Variants in FAM186B observed in about 807,000 individuals in gnomAD.
FAM186B encodes the protein protein FAM186B.
Under a neutral mutation model 83.4 loss-of-function variants are expected in FAM186B, and 68 were observed. The ratio of observed to expected loss-of-function variants is 0.81; its 90% CI spans 0.67 to 1.00. FAM186B has a LOEUF of 1.00. Ranked by LOEUF, FAM186B falls within the 50% of genes least tolerant of loss-of-function variation. The pLI, the probability that FAM186B is intolerant of heterozygous loss-of-function variation, is 0.00. For missense variants in FAM186B, 983 were observed against 1,099.2 expected (o/e 0.89, Z 1.49); for synonymous variants, 389 against 422.0 (o/e 0.92, Z 0.96).
At chr12:49,595,436 G>T in intron 5 of FAM186B, 1 of 505,128 alleles carries the variant, frequency 2.0e-6, no homozygotes. Context: ...GCCACTATCT[G>T]TGCAGGTCCT....
downstream of FAM186B, chr12:49,583,586 C>T (rs180749124): frequency 2.9e-3 from 445 of 153,948 alleles, 4 homozygotes; most frequent in Non-Finnish European, 5.1e-3. Context: ...TCTTAAGCTG[C>T]GACTCAGAAA....
rs774806166 is a variant in FAM186B at position 49,599,542 on chromosome 12, T to C, written c.2098A>G (p.Met700Val). 2 of 1,604,770 alleles carry C rather than the reference T, an allele frequency of 1.2e-6. No individual in the cohort carries two copies. Among genetic ancestry groups the C allele is most frequent in the South Asian group, 2.2e-5 (2 of 89,438 alleles). The change falls in exon 4 of 7, where the codon ATG becomes GTG. Residue 700 changes from methionine (M) to valine (V), a missense_variant. By Grantham distance (21) the Met-to-Val change is conservative. Coordinates refer to ENST00000257894, the MANE Select transcript of FAM186B (RefSeq NM_032130.3). ...TGCAGCCTGAGCGCGCCCAGCTCCA[T>C]GGTGGTGGTGGTGAGCTCCAGTGCT... ...SKALELTTTTMELGALRLQYL... is the reference protein window; with the variant it reads ...SKALELTTTTVELGALRLQYL...
intron 5 of FAM186B, among the ~76,000 whole-genome samples, chr12:49,596,438 A>G (rs1452538008): frequency 6.6e-6 from 1 of 151,646 alleles, no homozygotes; most frequent in Non-Finnish European, 1.5e-5. Flanking sequence ...CTGTCTGTGG[A>G]GCAGCCATTC....
the FAM186B span, among the ~76,000 whole-genome samples, chr12:49,610,662 C>A: frequency 1.3e-5 from 2 of 151,866 alleles, no homozygotes; most frequent in Non-Finnish European, 1.5e-5. Flanking sequence ...CGGTCGTGGG[C>A]GCCTGTAGTC....
intron 2 of FAM186B, 85 bp from the exon 3 acceptor site, chr12:49,603,452 A>G: frequency 7.4e-7 from 1 of 1,354,888 alleles, no homozygotes; most frequent in Non-Finnish European, 1.0e-6. Flanking sequence ...GGGTTCCAGC[A>G]GCTGTGAAGT....
chr12:49,619,427 G>A, the FAM186B span: 2 of 552,918 alleles, frequency 3.6e-6, no homozygotes, highest in East Asian at 6.7e-5. Context: ...CATCCCCACT[G>A]GAATGGCAGG....
downstream of FAM186B, among the ~76,000 whole-genome samples, chr12:49,587,074 C>T (rs1183249921): frequency 1.3e-5 from 2 of 152,194 alleles, no homozygotes; most frequent in Non-Finnish European, 2.9e-5. Flanking sequence ...TCTACAAGCC[C>T]AGAGAGGCAA....
chr12:49,609,229 T>C (rs761648119), upstream of FAM186B, among the ~76,000 whole-genome samples: 2 of 152,160 alleles, frequency 1.3e-5, no homozygotes, highest in Non-Finnish European at 2.9e-5. Flanking sequence ...GAGTGAGTTA[T>C]TGCTTGGTAT....
rs561786015 is a variant in FAM186B at position 49,593,459 on chromosome 12, C to A, written c.2365-4836G>T. On this transcript the variant is annotated intron_variant, in intron 5 of 6. Coordinates refer to ENST00000257894, the MANE Select transcript of FAM186B (RefSeq NM_032130.3). ...AGACCAGCCTGGCCAACATGGCGAA[C>A]CCCGTCTCTACTAAAAATACAAAAA... is the stretch of plus-strand genomic sequence containing the variant. Among the ~76,000 whole-genome samples the A allele has an allele frequency of 1.8e-3, 267 of 149,354 alleles. 3 individuals are homozygous for A. The highest frequency in any genetic ancestry group is 2.7e-3 in the Non-Finnish European group (179 of 67,270).
rs1939880052 is a variant in FAM186B at position 49,601,016 on chromosome 12, C to T, written c.624G>A (p.Lys208=). The part of the protein sequence containing the change: ...MLQDQHTMNT[K]ASEVTSMLQE... Reference sequence around the variant, plus strand: ...GCAGCATGGACGTCACCTCCGAGGCCTTCGTGTTCATGGTATGCTGGTCCT... The same window carrying T: ...GCAGCATGGACGTCACCTCCGAGGCTTTCGTGTTCATGGTATGCTGGTCCT... The change falls in exon 4 of 7, where the codon AAG becomes AAA. Residue 208 remains lysine (K), a synonymous_variant. Transcript: ENST00000257894. 1 of 1,614,040 alleles carries T rather than the reference C, an allele frequency of 6.2e-7. No individual in the cohort carries two copies. The highest frequency in any genetic ancestry group is 1.3e-5 in the African/African-American group (1 of 74,918).
chr12:49,603,070 A>C (rs982432429), intron 3 of FAM186B, 115 bp downstream of exon 3: 2 of 1,174,902 alleles, frequency 1.7e-6, no homozygotes, highest in Non-Finnish European at 2.5e-6. Context: ...ATCTCAAATC[A>C]AACTTCTGTG....
At chr12:49,610,442 C>G (rs1172603427), upstream of FAM186B, among the ~76,000 whole-genome samples, 1 of 152,088 alleles carries the variant, frequency 6.6e-6, no homozygotes, top group Non-Finnish European at 1.5e-5. Flanking sequence ...TAAAGCAATC[C>G]ACAAAATGAA....
At chr12:49,608,093 T>G (rs1282286846), upstream of FAM186B, among the ~76,000 whole-genome samples, 1 of 151,080 alleles carries the variant, frequency 6.6e-6, no homozygotes, top group Non-Finnish European at 1.5e-5. Context: ...AATATAGACA[T>G]AAAAGAAAAT....
At chr12:49,585,021 G>A (rs150466399), downstream of FAM186B, among the ~76,000 whole-genome samples, 96 of 151,924 alleles carry the variant, frequency 6.3e-4, 1 homozygote, top group East Asian at 0.016. Context: ...TTTTTGTTTC[G>A]TTTTGTTTTG....
the FAM186B span, among the ~76,000 whole-genome samples, chr12:49,620,709 G>C: frequency 6.6e-6 from 1 of 152,152 alleles, no homozygotes; most frequent in African/African-American, 2.4e-5. Flanking sequence ...GTAGATATCT[G>C]TATTTGCTGC....
In FAM186B at chr12:49,600,977, G is replaced by T. The variant is rs147828738; in HGVS notation, c.663C>A (p.Asp221Glu). Residue 221 changes from aspartate to glutamate, a missense_variant, in exon 4 of 7, where the codon GAC becomes GAA. Transcript: ENST00000257894. This position sits in a 1 kb window ranked among gnomAD's most constrained non-coding sequence, Gnocchi z 4.3. ...EVTSMLQELLDSTMFSKGEVR... is the reference protein window; with the variant it reads ...EVTSMLQELLESTMFSKGEVR... ...CCTCCCCCTTGCTGAACATGGTAGAGTCCAGGAGCTCCTGCAGCATGGACG... is the reference window on the plus strand; with the variant it reads ...CCTCCCCCTTGCTGAACATGGTAGATTCCAGGAGCTCCTGCAGCATGGACG... 1.4e-5 allele frequency: 22 copies of T among 1,614,148 alleles called. No individual in the cohort carries two copies. In the African/African-American group the frequency reaches 2.8e-4, roughly 21 times the overall value.
At chr12:49,595,355 C>T in intron 5 of FAM186B, 1 of 569,536 alleles carries the variant, frequency 1.8e-6, no homozygotes, top group Non-Finnish European at 3.4e-6. Flanking sequence ...AATCTGGGTG[C>T]ACAGAATTTA....
upstream of FAM186B, among the ~76,000 whole-genome samples, chr12:49,607,557 C>G (rs1262640403): frequency 6.6e-6 from 1 of 151,920 alleles, no homozygotes; most frequent in Non-Finnish European, 1.5e-5. Context: ...TCAAAGAAAA[C>G]TCCAGCCCCA....
rs1271735644 is a variant in FAM186B at position 49,604,466 on chromosome 12, C to T, written c.169G>A (p.Gly57Arg). The T allele has an allele frequency of 1.2e-6, 2 of 1,614,202 alleles. No individual in the cohort carries two copies. Among genetic ancestry groups the T allele is most frequent in the Non-Finnish European group, 1.7e-6 (2 of 1,180,042 alleles). ...CVINRFQEEL[G>R]YDLKENAKSQ... Reference sequence around the variant, plus strand: ...TTGGCATTTTCTTTTAAATCATATCCTAATTCTTCCTGGAAGCGGTTGATG... The same window carrying T: ...TTGGCATTTTCTTTTAAATCATATCTTAATTCTTCCTGGAAGCGGTTGATG... Residue 57 changes from glycine to arginine, a missense_variant, in exon 2 of 7, where the codon GGA (glycine) becomes AGA (arginine). Gly to Arg is a moderately radical substitution (Grantham distance 125, BLOSUM62 -2). Coordinates refer to ENST00000257894, the MANE Select transcript of FAM186B (RefSeq NM_032130.3).
Sources: gnomAD v4.1 joint callset for allele counts (sites outside exome capture counted in the v4.1 genomes callset) on GRCh38, gnomAD v4.1.1 for gene constraint, Gnocchi (gnomAD v3.1) non-coding constraint, MANE v1.5 for transcripts, NCBI Gene and HGNC (gene_info 2026-07-23, HGNC 2026-07-21) for gene names.